The following MECOM variants were observed in gnomAD, a reference collection of about 807,000 sequenced individuals.
MECOM encodes MDS1 and EVI1 complex locus, also known as histone-lysine N-methyltransferase MECOM.
In MECOM, 13 loss-of-function variants were observed where a neutral mutation model predicts 116.3. The observed-to-expected ratio is 0.11, with a 90% CI of 0.07 to 0.18. The LOEUF is 0.18. Ranked by LOEUF, MECOM falls within the 10% of genes least tolerant of loss-of-function variation. The pLI is 1.00. For synonymous variants in MECOM, 528 were observed against 535.2 expected, an observed-to-expected ratio of 0.99 and a Z score of 0.19; for missense variants, 1,299 against 1,509.0, an observed-to-expected ratio of 0.86 and a Z score of 2.31.
At chr3:169,147,398 G>T (rs1340057982) in intron 2 of MECOM, 2 of 985,362 alleles carry the variant, frequency 2.0e-6, no homozygotes, top group Admixed American at 6.1e-5. Flanking sequence ...CTTTAAAGAG[G>T]ATCTGCTCGG....
intron 1 of MECOM, among the ~76,000 whole-genome samples, chr3:169,479,098 C>T (rs1750898961): frequency 1.3e-5 from 2 of 152,146 alleles, no homozygotes; most frequent in South Asian, 2.1e-4. Flanking sequence ...GAAAGACAGA[C>T]ATTAGCCAAC....
At chr3:169,147,989 A>C (rs944301150) in intron 2 of MECOM, among the ~76,000 whole-genome samples, 2 of 152,056 alleles carry the variant, frequency 1.3e-5, no homozygotes, top group African/African-American at 4.8e-5. Context: ...AAAAGTTGAC[A>C]TGTACATTTC....
At chr3:169,516,368 T>C (rs1286589112) in intron 1 of MECOM, among the ~76,000 whole-genome samples, 1 of 152,216 alleles carries the variant, frequency 6.6e-6, no homozygotes, top group Non-Finnish European at 1.5e-5. Flanking sequence ...AAGCAATCTG[T>C]TTCAGATATA....
At chr3:169,147,245 G>C (rs999875046) in intron 2 of MECOM, 2 of 985,486 alleles carry the variant, frequency 2.0e-6, no homozygotes, top group African/African-American at 3.5e-5. Context: ...AGTTTGAAAA[G>C]GTGGGGGGCC....
In MECOM at chr3:169,105,698, T is replaced by A. The variant is rs557577476; in HGVS notation, c.2604+2228A>T. On this transcript the variant is annotated intron_variant, in intron 10 of 16. Transcript: ENST00000651503. ...TCAGTAAATGACAGTTTTTTTCCTATGGAACAGTAATTTTTATTTACATAT... is the reference window on the plus strand; with the variant it reads ...TCAGTAAATGACAGTTTTTTTCCTAAGGAACAGTAATTTTTATTTACATAT... Among the ~76,000 whole-genome samples the A allele has an allele frequency of 1.4e-4, 21 of 152,256 alleles. No individual in the cohort carries two copies. In the South Asian group the frequency reaches 4.4e-3, roughly 32 times the overall value.
At chr3:169,464,819 G>A (rs2108755124) in intron 1 of MECOM, among the ~76,000 whole-genome samples, 1 of 152,054 alleles carries the variant, frequency 6.6e-6, no homozygotes, top group South Asian at 2.1e-4. Flanking sequence ...CTTTGTCTTT[G>A]TTGAGAATAC....
chr3:169,286,071 A>G (rs1158816651), intron 2 of MECOM, among the ~76,000 whole-genome samples: 1 of 152,258 alleles, frequency 6.6e-6, no homozygotes, highest in East Asian at 1.9e-4. Flanking sequence ...CAAGGAACCC[A>G]TAAGAAAATC....
intron 2 of MECOM, among the ~76,000 whole-genome samples, chr3:169,211,599 C>G (rs555414001): frequency 8.5e-5 from 13 of 152,220 alleles, no homozygotes; most frequent in African/African-American, 2.6e-4. Context: ...AATTTGCTTC[C>G]TATTTCACAG....
At chr3:169,213,960 A>G (rs1348748185) in intron 2 of MECOM, among the ~76,000 whole-genome samples, 1 of 152,030 alleles carries the variant, frequency 6.6e-6, no homozygotes. Context: ...GCCCTTATTT[A>G]TCTTTTTTAG....
chr3:169,339,869 G>A (rs2106123), intron 2 of MECOM, among the ~76,000 whole-genome samples: 57,969 of 151,914 alleles, frequency 0.38, 12,729 homozygotes, highest in East Asian at 0.59. Context: ...ATTTTATATT[G>A]TCTAAAGTGA....
chr3:169,451,439 G>A (rs904474952), intron 1 of MECOM, among the ~76,000 whole-genome samples: 3 of 152,172 alleles, frequency 2.0e-5, no homozygotes. Flanking sequence ...TAAAGAGAAG[G>A]GAAAGTAGAT....
chr3:169,288,435 T>C lies in MECOM; in HGVS notation c.375+92752A>G, dbSNP rs370909524. 3.3e-5 allele frequency among the ~76,000 whole-genome samples: 5 copies of C among 152,322 alleles called. No homozygotes were observed. In the South Asian group the frequency reaches 8.3e-4, roughly 25 times the overall value. ...TTTCACAATATAAGAAAGTTATTTC[T>C]ACACTGGAAGGTTAAAAATGGGCTT... On this transcript the variant is annotated intron_variant, in intron 2 of 16. Transcript: ENST00000651503.
intron 1 of MECOM, among the ~76,000 whole-genome samples, chr3:169,651,277 AT>A (rs748139127): frequency 2.6e-4 from 40 of 151,974 alleles, no homozygotes; most frequent in Non-Finnish European, 5.3e-4. Flanking sequence ...TGATCATGTG[AT>A]TTTTGTTTTT....
chr3:169,637,259 G>A (rs780232778), intron 1 of MECOM, among the ~76,000 whole-genome samples: 3 of 152,034 alleles, frequency 2.0e-5, no homozygotes, highest in Non-Finnish European at 4.4e-5. Context: ...TGCAGCCCCA[G>A]GCCAACATTT....
At chr3:169,384,253 C>A (rs1732934303) in intron 1 of MECOM, among the ~76,000 whole-genome samples, 1 of 151,764 alleles carries the variant, frequency 6.6e-6, no homozygotes, top group African/African-American at 2.4e-5. Flanking sequence ...CTTTTTTTTA[C>A]CAAATATAGG....
intron 2 of MECOM, among the ~76,000 whole-genome samples, chr3:169,148,498 A>T (rs932947273): frequency 2.0e-5 from 3 of 152,226 alleles, no homozygotes; most frequent in Non-Finnish European, 4.4e-5. Flanking sequence ...AGTAAATCCC[A>T]CTGGCTAAAT....
At chr3:169,412,202 C>T (rs951917398) in intron 1 of MECOM, among the ~76,000 whole-genome samples, 1 of 151,210 alleles carries the variant, frequency 6.6e-6, no homozygotes, top group Non-Finnish European at 1.5e-5. Context: ...GGGAAAATCA[C>T]CTGAACCCAG....
Position 169,095,319 on chromosome 3 carries a change from C to A in MECOM, c.2850-74G>T. On this transcript the variant is annotated intron_variant, in intron 12 of 16. Transcript: ENST00000651503. Reference sequence around the variant, plus strand: ...TTCTCAAGACTAGTTAGCCAGCTATCAAAAATCATCTCCACTCATAAAACA... The same window carrying A: ...TTCTCAAGACTAGTTAGCCAGCTATAAAAAATCATCTCCACTCATAAAACA... 5 of 1,257,110 alleles carry A rather than the reference C, an allele frequency of 4.0e-6. No homozygotes were observed. The South Asian group carries it at 6.6e-5, about 16-fold the overall frequency. 77.9% of individuals were successfully genotyped at this position (1,257,110 alleles called of 1,614,324 possible).
chr3:169,601,433 C>T (rs939272017), intron 1 of MECOM, among the ~76,000 whole-genome samples: 4 of 152,292 alleles, frequency 2.6e-5, no homozygotes, highest in Admixed American at 6.5e-5. Context: ...ATGCCTCATT[C>T]CCACAAGGAA....
Sources: gnomAD v4.1 joint callset for allele counts (sites outside exome capture counted in the v4.1 genomes callset) on GRCh38, gnomAD v4.1.1 for gene constraint, MANE v1.5 for transcripts, NCBI Gene and HGNC (gene_info 2026-07-23, HGNC 2026-07-21) for gene names.